Variants in PDGFRA observed in about 807,000 individuals in gnomAD.
The protein encoded by PDGFRA is platelet derived growth factor receptor alpha.
PDGFRA carries 25 observed loss-of-function variants against 121.5 expected under a neutral mutation model. The observed-to-expected ratio is 0.21, with a 90% CI of 0.15 to 0.29. The LOEUF (loss-of-function observed/expected upper bound fraction) is 0.29. PDGFRA is among the 10% of genes least tolerant of loss of function. PDGFRA has a pLI of 1.00. For synonymous variants in PDGFRA, 463 were observed against 494.8 expected, an observed-to-expected ratio of 0.94 and a Z score of 0.85; for missense variants, 1,008 against 1,345.1, an observed-to-expected ratio of 0.75 and a Z score of 3.92.
chr4:54,272,383 G>T lies in PDGFRA; in HGVS notation c.1238-11G>T. 6.2e-7 allele frequency: 1 copy of T among 1,613,728 alleles called. No individual in the cohort carries two copies. The highest frequency in any genetic ancestry group is 1.3e-5 in the African/African-American group (1 of 74,938). ...AGCTATTCCATTCTGACTTCTTTCT[G>T]CCTCTTGCAGTTCCTTCATCCATTC... On this transcript the variant is annotated splice_polypyrimidine_tract_variant and intron_variant, in intron 8 of 22. Transcript: ENST00000257290.
intron 1 of PDGFRA, among the ~76,000 whole-genome samples, chr4:54,257,350 C>T (rs1344389977): frequency 6.6e-6 from 1 of 152,232 alleles, no homozygotes; most frequent in Non-Finnish European, 1.5e-5. Flanking sequence ...TAAGTATACT[C>T]AGTTAAGCAG....
chr4:54,242,496 A>G (rs1721360945), intron 1 of PDGFRA, among the ~76,000 whole-genome samples: 1 of 152,178 alleles, frequency 6.6e-6, no homozygotes, highest in Non-Finnish European at 1.5e-5. Flanking sequence ...GGACCTCTAT[A>G]GTTATAAGTC....
rs370463791 is a variant in PDGFRA at position 54,274,519 on chromosome 4, C to G, written c.1559-12C>G. 2.1e-5 allele frequency: 33 copies of G among 1,603,702 alleles called. No individual in the cohort carries two copies. Among genetic ancestry groups the G allele is most frequent in the Non-Finnish European group, 2.6e-5 (31 of 1,171,234 alleles). On this transcript the variant is annotated splice_polypyrimidine_tract_variant and intron_variant, in intron 10 of 22. Coordinates refer to ENST00000257290, the MANE Select transcript of PDGFRA (RefSeq NM_006206.6). Reference sequence around the variant, plus strand: ...GAAACTTTTCATTGTGCCTCTCTCTCTTGTCACGTAGCCCTGCGTTCTGAA... The same window carrying G: ...GAAACTTTTCATTGTGCCTCTCTCTGTTGTCACGTAGCCCTGCGTTCTGAA...
Position 54,295,283 on chromosome 4 carries a change from C to G in PDGFRA, c.*11C>G. On this transcript the variant is annotated 3_prime_UTR_variant, in exon 23 of 23. Transcript: ENST00000257290. Reference sequence around the variant, plus strand: ...GACAGCTTCCTGTAACTGGCGGATTCGAGGGGTTCCTTCCACTTCTGGGGC... The same window carrying G: ...GACAGCTTCCTGTAACTGGCGGATTGGAGGGGTTCCTTCCACTTCTGGGGC... 6.2e-7 allele frequency: 1 copy of G among 1,613,804 alleles called. No homozygotes were observed. Among genetic ancestry groups the G allele is most frequent in the Non-Finnish European group, 8.5e-7 (1 of 1,179,854 alleles).
At chr4:54,278,538 C>A (rs747530763) in intron 15 of PDGFRA, 23 bp downstream of exon 15, 7 of 1,609,634 alleles carry the variant, frequency 4.3e-6, no homozygotes, top group Non-Finnish European at 5.1e-6. Flanking sequence ...AGAGATGTTG[C>A]TGTCTATCAT....
chr4:54,272,352 G>C, intron 8 of PDGFRA, 42 bp from the exon 9 acceptor site: 2 of 1,611,566 alleles, frequency 1.2e-6, no homozygotes, highest in Non-Finnish European at 1.7e-6. Flanking sequence ...TATGTTCTGG[G>C]ACACGAGCTA....
chr4:54,295,555 T>A lies in PDGFRA; in HGVS notation c.*283T>A. 1 of 482,192 alleles carries A rather than the reference T, an allele frequency of 2.1e-6. No individual in the cohort carries two copies. The highest frequency in any genetic ancestry group is 3.8e-6 in the Non-Finnish European group (1 of 262,430). 29.9% of individuals were successfully genotyped at this position (482,192 alleles called of 1,614,324 possible). On this transcript the variant is annotated 3_prime_UTR_variant, in exon 23 of 23. Coordinates refer to ENST00000257290, the MANE Select transcript of PDGFRA (RefSeq NM_006206.6). ...ATAATAGGCCACAGAAGGTGAACTT[T>A]GTGCTTCAAGGACATTGGTGAGAGT...
intron 3 of PDGFRA, among the ~76,000 whole-genome samples, chr4:54,261,923 A>AT (rs1722753248): frequency 6.7e-5 from 5 of 74,588 alleles, no homozygotes; most frequent in African/African-American, 2.6e-4. Flanking sequence ...ATATATATAT[A>AT]TATATATATT....
chr4:54,263,995 T>A, intron 4 of PDGFRA, 68 bp downstream of exon 4: 1 of 246,620 alleles, frequency 4.1e-6, no homozygotes, highest in African/African-American at 2.5e-5. Context: ...GCGTGTAGGA[T>A]TTTTTTTTTT....
chr4:54,273,818 A>C, intron 10 of PDGFRA, 88 bp downstream of exon 10: 11 of 1,001,590 alleles, frequency 1.1e-5, no homozygotes, highest in Non-Finnish European at 1.7e-5. Context: ...GGTTATATAG[A>C]AATGAAGGTC....
Position 54,285,948 on chromosome 4 carries a change from T to C in PDGFRA, c.2547T>C (p.Tyr849=), listed in dbSNP as rs780967767. Residue 849 remains tyrosine (Y), a synonymous_variant, in exon 18 of 23, where the codon TAT becomes TAC. Transcript: ENST00000257290. ...GAGACATCATGCATGATTCGAACTATGTGTCGAAAGGCAGTGTACGTCCTC... is the reference window on the plus strand; with the variant it reads ...GAGACATCATGCATGATTCGAACTACGTGTCGAAAGGCAGTGTACGTCCTC... ...LARDIMHDSN[Y]VSKGSTFLPV... is the part of the protein sequence containing the mutation. The C allele has an allele frequency of 6.2e-7, 1 of 1,614,158 alleles. No individual in the cohort carries two copies. Among genetic ancestry groups the C allele is most frequent in the Middle Eastern group, 1.6e-4 (1 of 6,062 alleles).
chr4:54,289,772 T>A (rs891236726), intron 21 of PDGFRA, among the ~76,000 whole-genome samples: 1 of 152,202 alleles, frequency 6.6e-6, no homozygotes, highest in Non-Finnish European at 1.5e-5. Flanking sequence ...GTTAATTATC[T>A]CACTGCCCAC....
In PDGFRA at chr4:54,295,364, G is replaced by A; in HGVS notation, c.*92G>A. 1 of 1,273,398 alleles carries A rather than the reference G, an allele frequency of 7.9e-7. No individual in the cohort carries two copies. The highest frequency in any genetic ancestry group is 1.7e-5 in the Admixed American group (1 of 58,564). The allele number at this position is 1,273,398 out of a possible 1,614,324, so 78.9% of individuals were successfully genotyped here. A position where few individuals can be genotyped will look rare whatever the true frequency, so the allele number is the denominator to read the frequency against. ...TATTGCAATGCAGAGGTTGAGAGGA[G>A]GACTTGGTTGATGTTTAAAGAGAAG... On this transcript the variant is annotated 3_prime_UTR_variant, in exon 23 of 23. Transcript: ENST00000257290.
intron 3 of PDGFRA, among the ~76,000 whole-genome samples, chr4:54,261,931 A>ATATATTTTTTT (rs57094735): frequency 1.7e-5 from 1 of 58,424 alleles, no homozygotes; most frequent in African/African-American, 6.7e-5. Flanking sequence ...ATATATATAT[A>ATATATTTTTTT]TTTTTTTTTT....
chr4:54,293,130 T>C (rs1724712886), intron 22 of PDGFRA, among the ~76,000 whole-genome samples: 1 of 152,224 alleles, frequency 6.6e-6, no homozygotes, highest in African/African-American at 2.4e-5. Flanking sequence ...AAGTTCACTA[T>C]GTCTCTATTT....
intron 12 of PDGFRA, among the ~76,000 whole-genome samples, chr4:54,275,368 C>CTA (rs1482184679): frequency 6.6e-6 from 1 of 152,066 alleles, no homozygotes; most frequent in Non-Finnish European, 1.5e-5. Flanking sequence ...TCTGAAGATG[C>CTA]ATTAGATACT....
chr4:54,285,733 C>T (rs2110336771), intron 17 of PDGFRA, 108 bp from the exon 18 acceptor site: 1 of 1,218,952 alleles, frequency 8.2e-7, no homozygotes, highest in Non-Finnish European at 1.2e-6. Context: ...CCCTTTATAT[C>T]CAGGCAGACA....
At chr4:54,274,774 C>T (rs2110298534) in intron 11 of PDGFRA, 67 bp from the exon 12 acceptor site, 1 of 1,570,638 alleles carries the variant, frequency 6.4e-7, no homozygotes, top group Admixed American at 1.7e-5. Context: ...CACTGTGCTG[C>T]TTCAGTGAAG....
intron 1 of PDGFRA, among the ~76,000 whole-genome samples, chr4:54,231,327 T>A (rs1348893137): frequency 6.6e-6 from 1 of 152,226 alleles, no homozygotes; most frequent in Non-Finnish European, 1.5e-5. Flanking sequence ...AATTGCTCAA[T>A]GTTTTGGACC....
Sources: gnomAD v4.1 joint callset for allele counts (sites outside exome capture counted in the v4.1 genomes callset) on GRCh38, gnomAD v4.1.1 for gene constraint, MANE v1.5 for transcripts, NCBI Gene and HGNC (gene_info 2026-07-23, HGNC 2026-07-21) for gene names.